Variants in MAML3 observed in about 807,000 individuals in gnomAD.
The protein encoded by MAML3 is mastermind-like protein 3.
In MAML3, 27 loss-of-function variants were observed where a neutral mutation model predicts 101.9. That is an observed-to-expected ratio of 0.27 (90% confidence interval 0.20 to 0.37). The LOEUF is 0.37. Ranked by LOEUF, MAML3 falls within the 10% of genes least tolerant of loss-of-function variation. MAML3 has a pLI of 1.00. For synonymous variants in MAML3, 501 were observed against 555.9 expected (o/e 0.90, Z 1.39); for missense variants, 1,316 against 1,444.9 (o/e 0.91, Z 1.45).
At chr4:140,121,034 G>A (rs573829098) in intron 1 of MAML3, among the ~76,000 whole-genome samples, 5 of 152,214 alleles carry the variant, frequency 3.3e-5, no homozygotes, top group Non-Finnish European at 7.3e-5. Context: ...TTACAGAAGA[G>A]TTGTTTCACT....
At chr4:139,749,889 C>T (rs1393793814) in intron 2 of MAML3, among the ~76,000 whole-genome samples, 1 of 128,534 alleles carries the variant, frequency 7.8e-6, no homozygotes, top group Non-Finnish European at 1.6e-5. Flanking sequence ...ATAAGAACCC[C>T]CCCCCACCCT....
chr4:140,065,055 C>T (rs978899836), intron 1 of MAML3, among the ~76,000 whole-genome samples: 4 of 152,160 alleles, frequency 2.6e-5, no homozygotes, highest in Admixed American at 6.6e-5. Context: ...GGATTGAGGT[C>T]GTCTCTGCCT....
intron 2 of MAML3, among the ~76,000 whole-genome samples, chr4:139,796,548 G>C (rs935245520): frequency 5.3e-5 from 8 of 152,112 alleles, no homozygotes; most frequent in Non-Finnish European, 1.2e-4. Context: ...AGATTTCCAT[G>C]GGTGTGAACC....
chr4:139,913,414 T>C (rs1732967922), intron 1 of MAML3, among the ~76,000 whole-genome samples: 1 of 152,242 alleles, frequency 6.6e-6, no homozygotes, highest in South Asian at 2.1e-4. Flanking sequence ...TAAATCTGTC[T>C]GCTTTTTCCT....
At chr4:140,094,915 C>T (rs4863530) in intron 1 of MAML3, among the ~76,000 whole-genome samples, 34,930 of 152,274 alleles carry the variant, frequency 0.23, 5,127 homozygotes, top group Admixed American at 0.34. Flanking sequence ...AGTTCCTCTT[C>T]TCCCACCCTT....
rs774118198 is a variant in MAML3, at chr4:139,818,473, A to AT, written c.2079+70883dup. On this transcript the variant is annotated intron_variant, in intron 2 of 4. Coordinates refer to ENST00000509479, the MANE Select transcript of MAML3 (RefSeq NM_018717.5). ...AAGCAGGACTAATCTCTTCCATGAG[A>AT]TTTTTTCTAACTAATTGAGGTCATA... Among the ~76,000 whole-genome samples the AT allele has an allele frequency of 3.9e-4, 59 of 152,224 alleles. 1 individual carries two copies. In the Middle Eastern group the frequency reaches 0.01, roughly 26 times the overall value.
At chr4:140,026,107 C>T (rs1004795534) in intron 1 of MAML3, among the ~76,000 whole-genome samples, 1 of 151,992 alleles carries the variant, frequency 6.6e-6, no homozygotes, top group Non-Finnish European at 1.5e-5. Flanking sequence ...TTAGGAACCT[C>T]GATTTTTTTT....
intron 1 of MAML3, among the ~76,000 whole-genome samples, chr4:140,011,856 T>G (rs1422185531): frequency 1.3e-5 from 2 of 152,186 alleles, no homozygotes; most frequent in African/African-American, 2.4e-5. Flanking sequence ...TTAATCCACT[T>G]TAAACATTCC....
At chr4:139,758,925 C>T (rs757141715) in intron 2 of MAML3, among the ~76,000 whole-genome samples, 8 of 152,200 alleles carry the variant, frequency 5.3e-5, no homozygotes, top group Non-Finnish European at 4.4e-5. Context: ...CTCTGGGCAT[C>T]GTGGCACCTG....
chr4:139,758,168 A>G (rs1413344734), intron 2 of MAML3, among the ~76,000 whole-genome samples: 1 of 152,162 alleles, frequency 6.6e-6, no homozygotes, highest in Non-Finnish European at 1.5e-5. Flanking sequence ...ACCTTGTTAT[A>G]TTCCTACCTG....
rs1485821570 is a variant in MAML3, at chr4:139,717,764, A to C, written c.*1559T>G. 6.6e-6 allele frequency: 1 copy of C among 152,202 alleles called. No homozygotes were observed. Among genetic ancestry groups the C allele is most frequent in the Non-Finnish European group, 1.5e-5 (1 of 68,152 alleles). The allele number at this position is 152,202 out of a possible 1,614,324, so 9.4% of individuals were successfully genotyped here. ...CCAGCGTCTAGGACACGGAGGGAGGAGGGGACAGGAAAAAAGCACACGCCA... is the reference window on the plus strand; with the variant it reads ...CCAGCGTCTAGGACACGGAGGGAGGCGGGGACAGGAAAAAAGCACACGCCA... On this transcript the variant is annotated 3_prime_UTR_variant, in exon 5 of 5. Coordinates refer to ENST00000509479, the MANE Select transcript of MAML3 (RefSeq NM_018717.5).
intron 2 of MAML3, among the ~76,000 whole-genome samples, chr4:139,809,646 A>G (rs1331568615): frequency 6.6e-6 from 1 of 152,192 alleles, no homozygotes; most frequent in Non-Finnish European, 1.5e-5. Context: ...CTGTGGACCC[A>G]AAACCACGGA....
Position 139,719,967 on chromosome 4 carries a change from TGGC to T in MAML3, c.2770_2772del (p.Ala924del). 6.2e-7 allele frequency: 1 copy of T among 1,614,072 alleles called. No individual in the cohort carries two copies. ...TTCATCTGTGGATGTTGCTGGGTAA[TGGC>T]TGAGTTCACCAGCATGCTCTGACCA... On this transcript the variant is annotated inframe_deletion, in exon 5 of 5. Coordinates refer to ENST00000509479, the MANE Select transcript of MAML3 (RefSeq NM_018717.5).
chr4:139,744,597 C>A (rs1372489122), intron 2 of MAML3, among the ~76,000 whole-genome samples: 2 of 152,090 alleles, frequency 1.3e-5, no homozygotes, highest in East Asian at 3.9e-4. Context: ...GAATATGCAT[C>A]CCACTTTTTG....
intron 2 of MAML3, among the ~76,000 whole-genome samples, chr4:139,757,642 CAAAAAAAAAAAA>C (rs10583574): frequency 9.6e-6 from 1 of 104,608 alleles, no homozygotes; most frequent in Non-Finnish European, 1.9e-5. Flanking sequence ...GGCTCCATTT[CAAAAAAAAAAAA>C]AAAAAAAAAG....
At chr4:139,838,580 A>T (rs1321753382) in intron 2 of MAML3, among the ~76,000 whole-genome samples, 1 of 152,104 alleles carries the variant, frequency 6.6e-6, no homozygotes, top group Non-Finnish European at 1.5e-5. Context: ...GAGATTCTGA[A>T]AGTGTTGCTG....
rs188266414 is a variant in MAML3, at chr4:139,805,108, C to T, written c.2080-74441G>A. On this transcript the variant is annotated intron_variant, in intron 2 of 4. Coordinates refer to ENST00000509479, the MANE Select transcript of MAML3 (RefSeq NM_018717.5). ...GCAGGAGAATTGCTTGATTTGTAAC[C>T]GGGAGGCGGAGGTTGCGGTGAGCCG... is the stretch of plus-strand genomic sequence containing the variant. 3.2e-4 allele frequency among the ~76,000 whole-genome samples: 49 copies of T among 152,190 alleles called. No homozygotes were observed. In the East Asian group the frequency reaches 7.7e-3, roughly 24 times the overall value.
In MAML3 at chr4:139,720,164, G is replaced by C. The variant is rs1191644377; in HGVS notation, c.2576C>G (p.Ala859Gly). The change falls in exon 5 of 5, where the codon GCC becomes GGC. Residue 859 changes from alanine to glycine, a missense_variant. Transcript: ENST00000509479. The stretch of plus-strand genomic sequence containing the variant: ...GCTGGTAGGCGTGGTGCTATAAGGG[G>C]CCAGTCCCATCTCCGACTGCGCAGC... Reference protein sequence around the residue: ...TAAAQSEMGLAPYSTTPTSQP... With the variant: ...TAAAQSEMGLGPYSTTPTSQP... 2 of 1,614,056 alleles carry C rather than the reference G, an allele frequency of 1.2e-6. No individual in the cohort carries two copies. The highest frequency in any genetic ancestry group is 1.7e-5 in the Admixed American group (1 of 60,032).
At chr4:139,808,254 C>T (rs1730734655) in intron 2 of MAML3, among the ~76,000 whole-genome samples, 1 of 152,262 alleles carries the variant, frequency 6.6e-6, no homozygotes, top group Non-Finnish European at 1.5e-5. Flanking sequence ...TCCATTCATT[C>T]TTCAAACAAC....
Sources: gnomAD v4.1 joint callset for allele counts (sites outside exome capture counted in the v4.1 genomes callset) on GRCh38, gnomAD v4.1.1 for gene constraint, MANE v1.5 for transcripts, NCBI Gene and HGNC (gene_info 2026-07-23, HGNC 2026-07-21) for gene names.